Variants in ZNF804B observed in about 807,000 individuals in gnomAD.
The protein encoded by ZNF804B is zinc finger protein 804B, also known as zinc finger 804B.
Under a neutral mutation model 101.4 loss-of-function variants are expected in ZNF804B, and 80 were observed. The ratio of observed to expected loss-of-function variants is 0.79; its 90% CI spans 0.66 to 0.95. The LOEUF (loss-of-function observed/expected upper bound fraction) is 0.95. Ranked by LOEUF, ZNF804B falls within the 40% of genes least tolerant of loss-of-function variation. The probability of loss-of-function intolerance (pLI) is 0.00; values close to 1 mark genes in which losing one functional copy is unlikely to be tolerated. For synonymous variants in ZNF804B, 622 were observed against 558.8 expected, an observed-to-expected ratio of 1.11 and a Z score of -1.59; for missense variants, 1,673 against 1,561.9, an observed-to-expected ratio of 1.07 and a Z score of -1.20.
Position 89,125,844 on chromosome 7 carries a change from A to G in ZNF804B, c.109-92311A>G, listed in dbSNP as rs536917747. 1.3e-4 allele frequency among the ~76,000 whole-genome samples: 20 copies of G among 152,160 alleles called. No homozygotes were observed. The South Asian group carries it at 3.7e-3, about 28-fold the overall frequency. The stretch of plus-strand genomic sequence containing the variant: ...AATAATTTAAAATGAATAATACATA[A>G]TATTTATGAAAAAATAAAATGCATT... On this transcript the variant is annotated intron_variant, in intron 1 of 3. Transcript: ENST00000333190.
chr7:89,132,162 GCACACATA>G (rs766303503), intron 1 of ZNF804B, among the ~76,000 whole-genome samples: 3,048 of 87,638 alleles, frequency 0.035, 91 homozygotes, highest in African/African-American at 0.093. Flanking sequence ...GAGAACACAC[GCACACATA>G]CACACACACA....
intron 1 of ZNF804B, among the ~76,000 whole-genome samples, chr7:88,937,221 G>A (rs962464277): frequency 2.0e-5 from 3 of 151,948 alleles, no homozygotes; most frequent in Non-Finnish European, 4.4e-5. Flanking sequence ...AAATGACAGG[G>A]GAAGGCCAAA....
chr7:89,075,914 G>T (rs1211358910), intron 1 of ZNF804B, among the ~76,000 whole-genome samples: 2 of 152,152 alleles, frequency 1.3e-5, no homozygotes, highest in Non-Finnish European at 2.9e-5. Context: ...AGATTTGATT[G>T]CCCTGCTAGA....
intron 1 of ZNF804B, among the ~76,000 whole-genome samples, chr7:89,007,693 T>G (rs79110319): frequency 0.024 from 3,560 of 148,818 alleles, 146 homozygotes; most frequent in African/African-American, 0.084. Flanking sequence ...AAATAATTAT[T>G]CACTGTCTTA....
chr7:88,884,023 G>C (rs1232416205), intron 1 of ZNF804B, among the ~76,000 whole-genome samples: 1 of 151,902 alleles, frequency 6.6e-6, no homozygotes, highest in Non-Finnish European at 1.5e-5. Context: ...GTTTAATGGA[G>C]ATCCTAATGA....
chr7:89,310,419 C>G (rs1012506275), intron 2 of ZNF804B, among the ~76,000 whole-genome samples: 1 of 152,116 alleles, frequency 6.6e-6, no homozygotes, highest in Non-Finnish European at 1.5e-5. Flanking sequence ...ATAAGATGAA[C>G]ATGATCTAAA....
At chr7:89,088,117 A>G (rs986168646) in intron 1 of ZNF804B, among the ~76,000 whole-genome samples, 8 of 151,866 alleles carry the variant, frequency 5.3e-5, no homozygotes, top group Non-Finnish European at 1.2e-4. Context: ...CACAAACCCA[A>G]CCCAGTCTGG....
At chr7:89,320,823 C>T (rs1195654641) in intron 2 of ZNF804B, among the ~76,000 whole-genome samples, 2 of 151,958 alleles carry the variant, frequency 1.3e-5, no homozygotes, top group East Asian at 1.9e-4. Context: ...AGATAGCAGA[C>T]ATTTTAGAAA....
intron 1 of ZNF804B, among the ~76,000 whole-genome samples, chr7:89,197,063 C>T (rs965096182): frequency 5.3e-5 from 8 of 151,844 alleles, no homozygotes; most frequent in East Asian, 1.9e-4. Flanking sequence ...TGTGGTGATT[C>T]CTCAAAGAGC....
chr7:89,113,384 A>G (rs1482177490), intron 1 of ZNF804B, among the ~76,000 whole-genome samples: 1 of 152,228 alleles, frequency 6.6e-6, no homozygotes, highest in Non-Finnish European at 1.5e-5. Context: ...GAAGAAAAAA[A>G]TAGCATAAAG....
chr7:89,211,663 G>A (rs567041071), intron 1 of ZNF804B, among the ~76,000 whole-genome samples: 4 of 152,150 alleles, frequency 2.6e-5, no homozygotes, highest in Admixed American at 2.0e-4. Flanking sequence ...TAGATTTGTG[G>A]TCTTATTTCT....
At chr7:88,828,962 C>G (rs1791090204) in intron 1 of ZNF804B, among the ~76,000 whole-genome samples, 2 of 152,128 alleles carry the variant, frequency 1.3e-5, no homozygotes, top group Middle Eastern at 6.8e-3. Flanking sequence ...AAAAAAAGGT[C>G]TATGTTTACC....
At chr7:88,908,523 C>T (rs1584010461) in intron 1 of ZNF804B, among the ~76,000 whole-genome samples, 1 of 151,754 alleles carries the variant, frequency 6.6e-6, no homozygotes, top group East Asian at 1.9e-4. Flanking sequence ...AATACTTCTA[C>T]CTTCGTTTAC....
At chr7:88,930,324 A>G (rs1457826620) in intron 1 of ZNF804B, among the ~76,000 whole-genome samples, 1 of 151,988 alleles carries the variant, frequency 6.6e-6, no homozygotes, top group East Asian at 1.9e-4. Context: ...AGTGATCTGC[A>G]TTAACTGAGG....
chr7:88,809,307 CTAT>C (rs1208300435), intron 1 of ZNF804B, among the ~76,000 whole-genome samples: 5 of 466 alleles, frequency 0.011, no homozygotes, highest in African/African-American at 0.048. Context: ...TGCTTGTCAT[CTAT>C]CTATCTATCT....
At chr7:88,809,541 A>G (rs1790749224) in intron 1 of ZNF804B, among the ~76,000 whole-genome samples, 1 of 152,166 alleles carries the variant, frequency 6.6e-6, no homozygotes, top group African/African-American at 2.4e-5. Flanking sequence ...ATCCTCTTAT[A>G]CTATTAAAAT....
chr7:89,166,842 G>C (rs1357507344), intron 1 of ZNF804B, among the ~76,000 whole-genome samples: 1 of 152,156 alleles, frequency 6.6e-6, no homozygotes, highest in Non-Finnish European at 1.5e-5. Context: ...AGTAGTAGGA[G>C]AGGGTTATGA....
At chr7:89,273,646 T>A (rs1789932475) in intron 2 of ZNF804B, among the ~76,000 whole-genome samples, 1 of 152,152 alleles carries the variant, frequency 6.6e-6, no homozygotes, top group Non-Finnish European at 1.5e-5. Flanking sequence ...TATTTTATAT[T>A]TATGAAGCTT....
At chr7:89,172,257 C>G (rs1791248777) in intron 1 of ZNF804B, among the ~76,000 whole-genome samples, 1 of 151,966 alleles carries the variant, frequency 6.6e-6, no homozygotes. Flanking sequence ...TGACAACATT[C>G]AAGAGAATAG....
Sources: gnomAD v4.1 joint callset for allele counts (sites outside exome capture counted in the v4.1 genomes callset) on GRCh38, gnomAD v4.1.1 for gene constraint, MANE v1.5 for transcripts, NCBI Gene and HGNC (gene_info 2026-07-23, HGNC 2026-07-21) for gene names.